Variants in ADAM18 observed in about 807,000 individuals in gnomAD.
ADAM18 encodes disintegrin and metalloproteinase domain-containing protein 18.
In ADAM18, 117 loss-of-function variants were observed where a neutral mutation model predicts 94.4. That is an observed-to-expected ratio of 1.24 (90% CI 1.07 to 1.45). ADAM18 has a LOEUF of 1.45. Among genes scored for constraint, ADAM18 ranks in the 40% most tolerant of loss-of-function variants. ADAM18 has a pLI of 0.00. For missense variants in ADAM18, 936 were observed against 880.0 expected (o/e 1.06, Z -0.81); for synonymous variants, 327 against 291.6 (o/e 1.12, Z -1.24).
chr8:39,687,876 T>G (rs566187303), intron 16 of ADAM18, among the ~76,000 whole-genome samples: 2 of 152,220 alleles, frequency 1.3e-5, no homozygotes, highest in Admixed American at 1.3e-4. Flanking sequence ...CCACCATTAA[T>G]GGGCGTCTTC....
chr8:39,679,833 C>T lies in ADAM18; in HGVS notation c.1632-204C>T, dbSNP rs143584193. ...TAATGGGAATGAAGTCGTGTCTTCA[C>T]GCTGAGTTAAGCATATACATTTCAA... On this transcript the variant is annotated intron_variant, in intron 15 of 19. Transcript: ENST00000265707. 2.8e-3 allele frequency among the ~76,000 whole-genome samples: 421 copies of T among 152,256 alleles called. 5 individuals are homozygous for T. The highest frequency in any genetic ancestry group is 9.5e-3 in the African/African-American group (395 of 41,556).
chr8:39,701,700 T>G (rs1302474715), intron 17 of ADAM18, among the ~76,000 whole-genome samples: 1 of 152,150 alleles, frequency 6.6e-6, no homozygotes, highest in Non-Finnish European at 1.5e-5. Context: ...CCATGTGTTG[T>G]CATCATTTCG....
At chr8:39,653,379 T>C (rs989855717) in intron 12 of ADAM18, among the ~76,000 whole-genome samples, 5 of 152,038 alleles carry the variant, frequency 3.3e-5, no homozygotes, top group Admixed American at 2.6e-4. Context: ...TATTAAAAAA[T>C]GGTAAGATGA....
At chr8:39,682,438 T>C (rs1357917189) in intron 16 of ADAM18, among the ~76,000 whole-genome samples, 1 of 152,132 alleles carries the variant, frequency 6.6e-6, no homozygotes, top group Non-Finnish European at 1.5e-5. Context: ...GCTGAGATAA[T>C]TGCTCAAAGT....
At position 39,619,206 on chromosome 8, in the gene ADAM18, C is replaced by T. The variant is rs188889532; in HGVS notation, c.522+8500C>T. 2.2e-4 allele frequency among the ~76,000 whole-genome samples: 34 copies of T among 152,176 alleles called. No individual in the cohort carries two copies. The East Asian group carries it at 6.4e-3, about 29-fold the overall frequency. ...ATAGATCTAAAGGAAAAGATAGACA[C>T]ATATACAATAATAGGGGATTTCAAC... On this transcript the variant is annotated intron_variant, in intron 6 of 19. Transcript: ENST00000265707.
intron 6 of ADAM18, among the ~76,000 whole-genome samples, chr8:39,626,415 G>A (rs951989677): frequency 2.0e-5 from 3 of 151,060 alleles, no homozygotes; most frequent in African/African-American, 2.5e-5. Context: ...AACCTGCTCC[G>A]ATCTTTGTTG....
At chr8:39,598,767 C>CA (rs111241820) in intron 2 of ADAM18, among the ~76,000 whole-genome samples, 20,996 of 105,952 alleles carry the variant, frequency 0.2, 1,788 homozygotes, top group African/African-American at 0.3. Context: ...GACTCCGTCT[C>CA]AAAAAAAAAA....
chr8:39,585,747 G>A (rs1176915258), intron 2 of ADAM18, among the ~76,000 whole-genome samples: 2 of 152,034 alleles, frequency 1.3e-5, no homozygotes, highest in Non-Finnish European at 2.9e-5. Context: ...ACAAGCATCA[G>A]TCTTAATAGC....
rs866377262 is a variant in ADAM18 at position 39,674,293 on chromosome 8, G to C, written c.1526-3138G>C. Among the ~76,000 whole-genome samples the C allele has an allele frequency of 1.5e-4, 23 of 152,236 alleles. No individual in the cohort carries two copies. In the Middle Eastern group the frequency reaches 0.01, roughly 68 times the overall value. ...GTAGGTCTCTAAGGACTTGGTTTAT[G>C]AATCTGGGTGCTCCTGTATTGGGTG... On this transcript the variant is annotated intron_variant, in intron 14 of 19. Coordinates refer to ENST00000265707, the MANE Select transcript of ADAM18 (RefSeq NM_014237.3).
chr8:39,692,632 T>C lies in ADAM18; in HGVS notation c.1854T>C (p.His618=). 6.2e-7 allele frequency: 1 copy of C among 1,606,966 alleles called. No homozygotes were observed. Among genetic ancestry groups the C allele is most frequent in the Non-Finnish European group, 8.5e-7 (1 of 1,176,006 alleles). Residue 618 remains histidine, a synonymous_variant, in exon 17 of 20, where the codon CAT becomes CAC. Coordinates refer to ENST00000265707, the MANE Select transcript of ADAM18 (RefSeq NM_014237.3). The part of the protein sequence containing the change: ...YCVNKTCRKV[H]LMGYNCNATT... ...TAAATAAAACCTGCAGAAAAGTTCA[T>C]TTAATGGGATATAACTGTAATGCCA...
intron 16 of ADAM18, among the ~76,000 whole-genome samples, chr8:39,690,774 C>A (rs1038543762): frequency 6.6e-6 from 1 of 152,188 alleles, no homozygotes; most frequent in African/African-American, 2.4e-5. Flanking sequence ...TAAATTAGTT[C>A]AGCCACTGTG....
intron 18 of ADAM18, among the ~76,000 whole-genome samples, chr8:39,716,128 G>A (rs1046332121): frequency 6.6e-6 from 1 of 151,236 alleles, no homozygotes; most frequent in African/African-American, 2.4e-5. Context: ...AATTTTGTTT[G>A]CCATTTTAAA....
chr8:39,599,296 A>G (rs1181067989), intron 2 of ADAM18, among the ~76,000 whole-genome samples: 2 of 152,204 alleles, frequency 1.3e-5, no homozygotes, highest in South Asian at 4.1e-4. Context: ...AGTTTTTATA[A>G]TGTATAAAAA....
intron 6 of ADAM18, among the ~76,000 whole-genome samples, chr8:39,615,179 C>T (rs1172071622): frequency 6.6e-6 from 1 of 151,646 alleles, no homozygotes; most frequent in Non-Finnish European, 1.5e-5. Context: ...ATGGCATGTA[C>T]TCTAAAATCA....
At chr8:39,713,774 T>G (rs562682981) in intron 18 of ADAM18, among the ~76,000 whole-genome samples, 1 of 152,216 alleles carries the variant, frequency 6.6e-6, no homozygotes, top group African/African-American at 2.4e-5. Flanking sequence ...TGGCAATCAT[T>G]AAAAAGTCAG....
intron 19 of ADAM18, among the ~76,000 whole-genome samples, chr8:39,726,874 C>G (rs113468889): frequency 8.4e-4 from 128 of 152,214 alleles, no homozygotes; most frequent in African/African-American, 2.9e-3. Flanking sequence ...CAAAATCTTT[C>G]TAAGATGCAA....
intron 16 of ADAM18, among the ~76,000 whole-genome samples, chr8:39,685,639 C>A (rs181423720): frequency 6.6e-6 from 1 of 152,294 alleles, no homozygotes; most frequent in African/African-American, 2.4e-5. Flanking sequence ...CGCTCCTGAA[C>A]ATGCTTTTTC....
intron 19 of ADAM18, 105 bp from the exon 20 acceptor site, chr8:39,729,793 C>A: frequency 2.4e-6 from 2 of 830,322 alleles, no homozygotes; most frequent in Non-Finnish European, 1.9e-6. Flanking sequence ...TGATTTTTAG[C>A]AATTATAAAG....
chr8:39,589,315 T>C (rs1196376084), intron 2 of ADAM18, among the ~76,000 whole-genome samples: 1 of 152,162 alleles, frequency 6.6e-6, no homozygotes, highest in Non-Finnish European at 1.5e-5. Context: ...ACTCAGACTA[T>C]AGCCAGAAGC....
Sources: gnomAD v4.1 joint callset for allele counts (sites outside exome capture counted in the v4.1 genomes callset) on GRCh38, gnomAD v4.1.1 for gene constraint, MANE v1.5 for transcripts, NCBI Gene and HGNC (gene_info 2026-07-23, HGNC 2026-07-21) for gene names.